The following BMERB1 variants were observed in gnomAD, a reference collection of about 807,000 sequenced individuals.
BMERB1 encodes bMERB domain-containing protein 1.
In BMERB1, 12 loss-of-function variants were observed where a neutral mutation model predicts 23.6. The observed-to-expected ratio is 0.51, with a 90% CI of 0.33 to 0.82. BMERB1 has a LOEUF of 0.82. Among genes scored for constraint, BMERB1 ranks in the 40% least tolerant of loss-of-function variants. The pLI is 0.03. For synonymous variants in BMERB1, 122 were observed against 96.6 expected (o/e 1.26, Z -1.54); for missense variants, 247 against 255.4 (o/e 0.97, Z 0.22).
rs3743522 is a variant in BMERB1 at position 15,537,101 on chromosome 16, A to G, written c.230+21673A>G. On this transcript the variant is annotated intron_variant, in intron 2 of 5. Coordinates refer to ENST00000300006, the MANE Select transcript of BMERB1 (RefSeq NM_033201.3). ...GATGCCATCTGTTGTCTTCATCATC[A>G]CATCCGTTATTGAAGTCCGTTGATT... is the stretch of plus-strand genomic sequence containing the variant. 8.4e-3 allele frequency among the ~76,000 whole-genome samples: 1,271 copies of G among 152,126 alleles called. 102 individuals are homozygous for G. The East Asian group carries it at 0.19, about 23-fold the overall frequency.
chr16:15,468,284 T>C (rs1332392344), intron 1 of BMERB1, among the ~76,000 whole-genome samples: 1 of 151,696 alleles, frequency 6.6e-6, no homozygotes, highest in South Asian at 2.1e-4. Context: ...TAACTGGGAC[T>C]ATAGGTGTGC....
At chr16:15,575,573 G>A (rs1349861539) in intron 3 of BMERB1, among the ~76,000 whole-genome samples, 1 of 152,106 alleles carries the variant, frequency 6.6e-6, no homozygotes. Context: ...CAAAGAATTG[G>A]ACAAAATGCA....
intron 2 of BMERB1, among the ~76,000 whole-genome samples, chr16:15,552,920 T>C (rs1455963079): frequency 6.6e-6 from 1 of 152,172 alleles, no homozygotes; most frequent in Non-Finnish European, 1.5e-5. Context: ...ACCCCTGTTA[T>C]CTCAGTACTT....
chr16:15,468,162 T>TTTTTTTTTTTTTTTTTTTTTTTTTTC (rs57267276), intron 1 of BMERB1, among the ~76,000 whole-genome samples: 3 of 64,532 alleles, frequency 4.6e-5, no homozygotes, highest in African/African-American at 1.0e-4. Context: ...TTTTTTTTTT[T>TTTTTTTTTTTTTTTTTTTTTTTTTTC]TGAGGCAGGG....
At chr16:15,485,658 C>G (rs2051362100) in intron 1 of BMERB1, among the ~76,000 whole-genome samples, 1 of 151,860 alleles carries the variant, frequency 6.6e-6, no homozygotes, top group Non-Finnish European at 1.5e-5. Flanking sequence ...CTATTTCCAT[C>G]TGTGTTACTG....
chr16:15,453,975 C>T (rs926667954), intron 1 of BMERB1, among the ~76,000 whole-genome samples: 2 of 152,082 alleles, frequency 1.3e-5, no homozygotes, highest in Non-Finnish European at 2.9e-5. Context: ...CCTTTCCTTC[C>T]TCTCCTCCTC....
chr16:15,487,957 C>A (rs929710035), intron 1 of BMERB1, among the ~76,000 whole-genome samples: 1 of 152,134 alleles, frequency 6.6e-6, no homozygotes, highest in South Asian at 2.1e-4. Flanking sequence ...GCTTCTTTAC[C>A]GCAACCTGTT....
intron 2 of BMERB1, among the ~76,000 whole-genome samples, chr16:15,535,251 T>C (rs2052013873): frequency 6.6e-6 from 1 of 152,236 alleles, no homozygotes; most frequent in East Asian, 1.9e-4. Flanking sequence ...TTCTAGAGGC[T>C]GAGGTGGGAG....
intron 2 of BMERB1, among the ~76,000 whole-genome samples, chr16:15,523,207 C>T (rs559214503): frequency 2.6e-5 from 4 of 152,206 alleles, no homozygotes; most frequent in African/African-American, 9.7e-5. Flanking sequence ...TGCTCTTCTG[C>T]CAGCGTGTTC....
At chr16:15,506,398 A>G (rs540808035) in intron 1 of BMERB1, among the ~76,000 whole-genome samples, 1 of 152,152 alleles carries the variant, frequency 6.6e-6, no homozygotes, top group Non-Finnish European at 1.5e-5. Context: ...GATGGTCTCT[A>G]TCTGACCTTG....
At chr16:15,549,348 C>CA (rs11367653) in intron 2 of BMERB1, among the ~76,000 whole-genome samples, 2,431 of 93,826 alleles carry the variant, frequency 0.026, 50 homozygotes, top group African/African-American at 0.044. Flanking sequence ...GATTCTATCT[C>CA]AAAAAAAAAA....
chr16:15,493,369 T>C (rs1192804138), intron 1 of BMERB1, among the ~76,000 whole-genome samples: 1 of 152,150 alleles, frequency 6.6e-6, no homozygotes, highest in Non-Finnish European at 1.5e-5. Context: ...AAGGACTGAA[T>C]GTCATGCACT....
intron 2 of BMERB1, among the ~76,000 whole-genome samples, chr16:15,523,507 C>T (rs755799472): frequency 2.6e-5 from 4 of 152,132 alleles, no homozygotes; most frequent in Non-Finnish European, 4.4e-5. Flanking sequence ...GCATTTAAAG[C>T]GACCATGCCC....
chr16:15,510,306 G>A (rs28550385), intron 1 of BMERB1, among the ~76,000 whole-genome samples: 1 of 152,082 alleles, frequency 6.6e-6, no homozygotes, highest in Non-Finnish European at 1.5e-5. Context: ...GCAGCTGTGA[G>A]GGTCAAAAAG....
chr16:15,509,266 T>A (rs1317423836), intron 1 of BMERB1, among the ~76,000 whole-genome samples: 1 of 145,192 alleles, frequency 6.9e-6, no homozygotes, highest in Non-Finnish European at 1.5e-5. Flanking sequence ...CAGGCACAAA[T>A]GCATTCAGCC....
intron 1 of BMERB1, among the ~76,000 whole-genome samples, chr16:15,497,514 T>C (rs776307005): frequency 3.9e-5 from 6 of 152,214 alleles, no homozygotes; most frequent in Non-Finnish European, 7.4e-5. Flanking sequence ...AGAAAAAAAC[T>C]GTCTATGGGA....
At chr16:15,435,206 C>A (rs867077289) in intron 1 of BMERB1, among the ~76,000 whole-genome samples, 3 of 152,210 alleles carry the variant, frequency 2.0e-5, no homozygotes, top group Admixed American at 2.0e-4. Flanking sequence ...TGCTTTCCTA[C>A]CCCCTGCGTG....
At position 15,444,270 on chromosome 16, in the gene BMERB1, A is replaced by T. The variant is rs115750707; in HGVS notation, c.106+9511A>T. Among the ~76,000 whole-genome samples the T allele has an allele frequency of 2.5e-3, 377 of 151,278 alleles. 2 individuals are homozygous for T. Among genetic ancestry groups the T allele is most frequent in the African/African-American group, 8.4e-3 (344 of 41,182 alleles). On this transcript the variant is annotated intron_variant, in intron 1 of 5. Transcript: ENST00000300006. ...AAGGCCCTCTTTTAGTACTTCACTC[A>T]CAAGTTCCCCCAAAAGATAGAATCA...
intron 1 of BMERB1, among the ~76,000 whole-genome samples, chr16:15,491,897 C>T (rs959393853): frequency 6.6e-6 from 1 of 152,178 alleles, no homozygotes; most frequent in Non-Finnish European, 1.5e-5. Context: ...TAGCCCTGTC[C>T]ACCTAAATGA....
Sources: gnomAD v4.1 joint callset for allele counts (sites outside exome capture counted in the v4.1 genomes callset) on GRCh38, gnomAD v4.1.1 for gene constraint, MANE v1.5 for transcripts, NCBI Gene and HGNC (gene_info 2026-07-23, HGNC 2026-07-21) for gene names.